The following TUSC3 variants were observed in gnomAD, a reference collection of about 807,000 sequenced individuals.
The protein encoded by TUSC3 is tumor suppressor candidate 3, also known as dolichyl-diphosphooligosaccharide--protein glycosyltransferase subunit TUSC3.
TUSC3 carries 45 observed loss-of-function variants against 44.8 expected under a neutral mutation model. The observed-to-expected ratio is 1.00, with a 90% confidence interval of 0.79 to 1.29. The LOEUF (loss-of-function observed/expected upper bound fraction) is 1.29. TUSC3 is among the 50% of genes most tolerant of loss of function. The pLI, the probability that TUSC3 is intolerant of heterozygous loss-of-function variation, is 0.00. For synonymous variants in TUSC3, 212 were observed against 152.9 expected (o/e 1.39, Z -2.85); for missense variants, 519 against 437.9 (o/e 1.19, Z -1.65).
At chr8:15,573,206 A>C (rs200307418) in intron 1 of TUSC3, among the ~76,000 whole-genome samples, 23,536 of 85,896 alleles carry the variant, frequency 0.27, 2,616 homozygotes, top group East Asian at 0.31. Context: ...CTCTCTCTAT[A>C]TATATATATA....
the TUSC3 span, among the ~76,000 whole-genome samples, chr8:15,785,806 G>A: frequency 2.1e-5 from 3 of 145,652 alleles, no homozygotes; most frequent in South Asian, 2.1e-4. Flanking sequence ...ATGAGCTAAC[G>A]TGCCAGGAAA....
chr8:15,797,109 C>G, the TUSC3 span, among the ~76,000 whole-genome samples: 2 of 152,202 alleles, frequency 1.3e-5, no homozygotes, highest in East Asian at 3.9e-4. Context: ...GGCAGCTTCT[C>G]TTTATCAGAG....
intron 2 of TUSC3, among the ~76,000 whole-genome samples, chr8:15,495,591 G>C (rs779216979): frequency 6.6e-6 from 1 of 152,080 alleles, no homozygotes; most frequent in African/African-American, 2.4e-5. Context: ...AAATGTTTGT[G>C]TATTCCCCTC....
At chr8:15,744,412 T>C (rs1464841887) in intron 8 of TUSC3, among the ~76,000 whole-genome samples, 3 of 152,208 alleles carry the variant, frequency 2.0e-5, no homozygotes, top group Non-Finnish European at 2.9e-5. Flanking sequence ...TGATTTGATA[T>C]GTCCACAGAC....
intron 1 of TUSC3, among the ~76,000 whole-genome samples, chr8:15,601,329 G>C (rs1311974317): frequency 6.6e-6 from 1 of 151,648 alleles, no homozygotes; most frequent in Non-Finnish European, 1.5e-5. Flanking sequence ...TCTGTGACCA[G>C]TATGCACCTG....
chr8:15,792,379 G>C, the TUSC3 span, among the ~76,000 whole-genome samples: 2 of 152,108 alleles, frequency 1.3e-5, no homozygotes, highest in African/African-American at 2.4e-5. Flanking sequence ...GGCCACTTTC[G>C]AGTGGCAAAA....
chr8:15,735,554 A>C (rs571125460), intron 7 of TUSC3, among the ~76,000 whole-genome samples: 1 of 152,198 alleles, frequency 6.6e-6, no homozygotes, highest in Admixed American at 6.5e-5. Context: ...TTGTTTTTCT[A>C]CTTAGTAATA....
chr8:15,640,678 G>A (rs1806325140), intron 2 of TUSC3, among the ~76,000 whole-genome samples: 1 of 152,126 alleles, frequency 6.6e-6, no homozygotes, highest in Non-Finnish European at 1.5e-5. Context: ...CTGGATACTA[G>A]TATGGTGCTA....
chr8:15,831,058 A>G, the TUSC3 span, among the ~76,000 whole-genome samples: 1 of 152,282 alleles, frequency 6.6e-6, no homozygotes, highest in East Asian at 1.9e-4. Flanking sequence ...TGTGGAAACC[A>G]GCAGTCCAGG....
chr8:15,428,438 A>G (rs1260583449), intron 1 of TUSC3, among the ~76,000 whole-genome samples: 1 of 151,884 alleles, frequency 6.6e-6, no homozygotes, highest in African/African-American at 2.4e-5. Flanking sequence ...ATACGTGTGC[A>G]TGTGTCTTTA....
intron 2 of TUSC3, among the ~76,000 whole-genome samples, chr8:15,507,685 T>C (rs1009579509): frequency 2.0e-5 from 3 of 152,104 alleles, no homozygotes; most frequent in African/African-American, 7.2e-5. Flanking sequence ...CAAAAATATG[T>C]TATGAGCACT....
At chr8:15,539,469 C>T (rs1477222085), upstream of TUSC3, among the ~76,000 whole-genome samples, 1 of 148,898 alleles carries the variant, frequency 6.7e-6, no homozygotes, top group Non-Finnish European at 1.5e-5. Context: ...TCTCCTGCCT[C>T]AGCCTCCCAA....
rs1053240041 is a variant in TUSC3, at chr8:15,424,245, C to G, written n.91+6940C>G. Among the ~76,000 whole-genome samples the G allele has an allele frequency of 5.9e-5, 9 of 151,972 alleles. 1 individual carries two copies. Among genetic ancestry groups the G allele is most frequent in the Admixed American group, 5.9e-4 (9 of 15,238 alleles). On this transcript the variant is annotated intron_variant and non_coding_transcript_variant, in intron 1 of 5. Coordinates refer to the TUSC3 transcript ENST00000503191. ...CTTGTGATCTGCCCCCTTGGCCTCC[C>G]AAAGTGGCATTCATACTTTATACAA...
intron 6 of TUSC3, among the ~76,000 whole-genome samples, chr8:15,675,630 G>A (rs563649393): frequency 6.6e-6 from 1 of 152,080 alleles, no homozygotes; most frequent in Non-Finnish European, 1.5e-5. Context: ...TGCAGTGTCT[G>A]CTCCCATCTT....
At chr8:15,441,673 T>C (rs1414358185) in intron 1 of TUSC3, among the ~76,000 whole-genome samples, 9 of 152,130 alleles carry the variant, frequency 5.9e-5, no homozygotes, top group Admixed American at 5.9e-4. Context: ...CAACAGAAAT[T>C]ATTCAATTAT....
chr8:15,614,639 C>G (rs1804910470), intron 1 of TUSC3, among the ~76,000 whole-genome samples: 1 of 152,036 alleles, frequency 6.6e-6, no homozygotes, highest in African/African-American at 2.4e-5. Context: ...TTTTTATTTC[C>G]TAGCAGTATT....
the TUSC3 span, among the ~76,000 whole-genome samples, chr8:15,812,313 A>G: frequency 6.6e-6 from 1 of 152,230 alleles, no homozygotes; most frequent in Non-Finnish European, 1.5e-5. Flanking sequence ...GGTAACATTC[A>G]GGAGGTTGTC....
rs759321925 is a variant in TUSC3 at position 15,673,755 on chromosome 8, C to G, written c.717C>G (p.Val239=). The G allele has an allele frequency of 5.0e-6, 8 of 1,612,384 alleles. No homozygotes were observed. The highest frequency in any genetic ancestry group is 1.3e-5 in the African/African-American group (1 of 74,832). Residue 239 remains valine, a synonymous_variant, in exon 6 of 11, where the codon GTC becomes GTG. Transcript: ENST00000503731. ...TGWAMVSLCI[V]FAMTSGQMWN... ...TGCACCCTGTTTTTCAGTGTATAGT[C>G]TTTGCTATGACTTCTGGCCAGATGT...
the TUSC3 span, among the ~76,000 whole-genome samples, chr8:15,841,751 C>A: frequency 6.6e-6 from 1 of 152,100 alleles, no homozygotes; most frequent in Non-Finnish European, 1.5e-5. Flanking sequence ...TGACCTCAGG[C>A]GATTTGACCG....
Sources: gnomAD v4.1 joint callset for allele counts (sites outside exome capture counted in the v4.1 genomes callset) on GRCh38, gnomAD v4.1.1 for gene constraint, MANE v1.5 for transcripts, NCBI Gene and HGNC (gene_info 2026-07-23, HGNC 2026-07-21) for gene names.